The following ATRNL1 variants were observed in gnomAD, a reference collection of about 807,000 sequenced individuals.
The protein encoded by ATRNL1 is attractin-like protein 1.
In ATRNL1, 95 loss-of-function variants were observed where a neutral mutation model predicts 182.7. The ratio of observed to expected loss-of-function variants is 0.52; its 90% confidence interval spans 0.44 to 0.62. The LOEUF (loss-of-function observed/expected upper bound fraction) is 0.62. Ranked by LOEUF, ATRNL1 falls within the 20% of genes least tolerant of loss-of-function variation. The pLI is 0.00. For synonymous variants in ATRNL1, 576 were observed against 568.3 expected (o/e 1.01, Z -0.19); for missense variants, 1,471 against 1,679.5 (o/e 0.88, Z 2.17).
intron 1 of ATRNL1, among the ~76,000 whole-genome samples, chr10:115,119,684 A>G (rs1844642997): frequency 6.6e-6 from 1 of 152,080 alleles, no homozygotes; most frequent in South Asian, 2.1e-4. Context: ...AAATGATAAT[A>G]AAAAATATAT....
chr10:115,776,934 A>T (rs1408143122), intron 27 of ATRNL1, among the ~76,000 whole-genome samples: 3 of 152,220 alleles, frequency 2.0e-5, no homozygotes, highest in African/African-American at 7.2e-5. Flanking sequence ...AGGCAGGCAG[A>T]TCACTTGAGG....
intron 5 of ATRNL1, among the ~76,000 whole-genome samples, chr10:115,149,173 T>A (rs1554880034): frequency 6.6e-6 from 1 of 152,076 alleles, no homozygotes. Context: ...ATTACGCAGA[T>A]GGGGTCTTTT....
At chr10:115,768,217 CAT>C (rs1480238037) in intron 27 of ATRNL1, among the ~76,000 whole-genome samples, 8 of 151,988 alleles carry the variant, frequency 5.3e-5, no homozygotes, top group African/African-American at 1.9e-4. Flanking sequence ...AGAATAGTAA[CAT>C]ATATGTTGCT....
At chr10:115,460,134 A>T (rs1281689451) in intron 21 of ATRNL1, among the ~76,000 whole-genome samples, 2 of 152,050 alleles carry the variant, frequency 1.3e-5, no homozygotes, top group Non-Finnish European at 2.9e-5. Flanking sequence ...ATTATTTAAC[A>T]TTGGTCTGCC....
At chr10:115,472,970 A>C (rs549679203) in intron 24 of ATRNL1, among the ~76,000 whole-genome samples, 1 of 151,054 alleles carries the variant, frequency 6.6e-6, no homozygotes, top group Non-Finnish European at 1.5e-5. Flanking sequence ...GATGTTAGCT[A>C]TTGGCTTGTT....
At chr10:115,369,302 G>C (rs1857258758) in intron 19 of ATRNL1, among the ~76,000 whole-genome samples, 1 of 148,626 alleles carries the variant, frequency 6.7e-6, no homozygotes, top group Non-Finnish European at 1.5e-5. Flanking sequence ...TTGGGGTTCT[G>C]TGAGGGGGAA....
chr10:115,853,585 T>G (rs557832317), intron 28 of ATRNL1, among the ~76,000 whole-genome samples: 18 of 152,288 alleles, frequency 1.2e-4, no homozygotes, highest in African/African-American at 3.8e-4. Flanking sequence ...CACCATATCT[T>G]CACACTTGTA....
At position 115,160,158 on chromosome 10, in the gene ATRNL1, T is replaced by C; in HGVS notation, c.948T>C (p.Phe316=). ...ATAAAGCAGTTTTACACGGGAAATT[T>C]ATGTGGGTGATTGGTGGATATACTT... is the stretch of plus-strand genomic sequence containing the variant. The part of the protein sequence containing the change: ...ASHKAVLHGK[F]MWVIGGYTFN... The change falls in exon 6 of 29, where the codon TTT becomes TTC. Residue 316 remains phenylalanine (F), a synonymous_variant. Transcript: ENST00000355044. 1 of 1,612,878 alleles carries C rather than the reference T, an allele frequency of 6.2e-7. No individual in the cohort carries two copies. The highest frequency in any genetic ancestry group is 2.2e-5 in the East Asian group (1 of 44,824).
At chr10:115,627,210 C>G (rs1274578703) in intron 26 of ATRNL1, among the ~76,000 whole-genome samples, 4 of 152,224 alleles carry the variant, frequency 2.6e-5, no homozygotes, top group African/African-American at 9.6e-5. Context: ...TCTCCCCTGC[C>G]AGATCCCTGG....
intron 19 of ATRNL1, among the ~76,000 whole-genome samples, chr10:115,366,499 G>A (rs1471377422): frequency 1.3e-5 from 2 of 152,034 alleles, no homozygotes; most frequent in Non-Finnish European, 2.9e-5. Flanking sequence ...CTTTTAATTG[G>A]AGCGTTTAGT....
chr10:115,267,536 G>A (rs1851657874), intron 12 of ATRNL1, among the ~76,000 whole-genome samples: 1 of 151,712 alleles, frequency 6.6e-6, no homozygotes, highest in African/African-American at 2.4e-5. Flanking sequence ...TTAATTATTT[G>A]GATAAATATT....
At chr10:115,202,761 A>G (rs1848636127) in intron 8 of ATRNL1, among the ~76,000 whole-genome samples, 4 of 146,522 alleles carry the variant, frequency 2.7e-5, no homozygotes, top group African/African-American at 1.0e-4. Context: ...TGAGTTAGGG[A>G]GGATTCCCTC....
intron 5 of ATRNL1, among the ~76,000 whole-genome samples, chr10:115,149,276 G>A (rs1022753542): frequency 6.6e-6 from 1 of 152,096 alleles, no homozygotes; most frequent in Non-Finnish European, 1.5e-5. Flanking sequence ...TCCCTTTTCT[G>A]TTGGCACAGC....
chr10:115,862,445 A>G (rs1226262992), intron 28 of ATRNL1, among the ~76,000 whole-genome samples: 2 of 152,196 alleles, frequency 1.3e-5, no homozygotes, highest in South Asian at 2.1e-4. Flanking sequence ...CTCTTTGTGC[A>G]GCTCTTGCCT....
At chr10:115,517,708 A>AT (rs1157591755) in intron 24 of ATRNL1, among the ~76,000 whole-genome samples, 1 of 151,424 alleles carries the variant, frequency 6.6e-6, no homozygotes, top group African/African-American at 2.4e-5. Flanking sequence ...AAATAAACTA[A>AT]TTTTCTTTAT....
intron 26 of ATRNL1, among the ~76,000 whole-genome samples, chr10:115,664,662 A>G (rs1484794118): frequency 6.6e-6 from 1 of 152,150 alleles, no homozygotes; most frequent in Non-Finnish European, 1.5e-5. Context: ...AGTACATGAA[A>G]ATTATCATAT....
chr10:115,292,278 T>G (rs112544650), intron 15 of ATRNL1, among the ~76,000 whole-genome samples: 24 of 152,126 alleles, frequency 1.6e-4, no homozygotes, highest in African/African-American at 5.5e-4. Context: ...TTTATCAGTT[T>G]TCTTTATTTT....
chr10:115,483,251 A>T (rs1278828078), intron 24 of ATRNL1, among the ~76,000 whole-genome samples: 2 of 151,424 alleles, frequency 1.3e-5, no homozygotes, highest in Non-Finnish European at 3.0e-5. Flanking sequence ...AGTTTATATA[A>T]TGAAAGAAGT....
At chr10:115,616,998 T>G (rs2133793234) in intron 26 of ATRNL1, among the ~76,000 whole-genome samples, 1 of 152,300 alleles carries the variant, frequency 6.6e-6, no homozygotes, top group South Asian at 2.1e-4. Flanking sequence ...AGGACCACCA[T>G]GCCTCAGACC....
Sources: allele counts gnomAD v4.1 joint callset (sites outside exome capture counted in the v4.1 genomes callset), GRCh38; gene constraint gnomAD v4.1.1; transcripts MANE v1.5; gene names NCBI Gene and HGNC (gene_info 2026-07-23, HGNC 2026-07-21).